Variants in ARMC9 observed in about 807,000 individuals in gnomAD.
The protein encoded by ARMC9 is lisH domain-containing protein ARMC9.
ARMC9 carries 94 observed loss-of-function variants against 107.0 expected under a neutral mutation model. That is an observed-to-expected ratio of 0.88 (90% confidence interval 0.74 to 1.04). ARMC9 has a LOEUF of 1.04. ARMC9 is among the 50% of genes least tolerant of loss of function. The probability of loss-of-function intolerance (pLI) is 0.00; values close to 1 mark genes in which losing one functional copy is unlikely to be tolerated. For missense variants in ARMC9, 942 were observed against 1,030.1 expected (o/e 0.91, Z 1.17); for synonymous variants, 380 against 396.9 (o/e 0.96, Z 0.51).
At chr2:231,314,325 G>T (rs539118974) in intron 19 of ARMC9, among the ~76,000 whole-genome samples, 5 of 151,902 alleles carry the variant, frequency 3.3e-5, no homozygotes, top group African/African-American at 4.8e-5. Context: ...CTGATCCGCC[G>T]CCTTGGCCTC....
At chr2:231,232,036 T>TA (rs1699165791) in intron 7 of ARMC9, among the ~76,000 whole-genome samples, 1 of 150,274 alleles carries the variant, frequency 6.7e-6, no homozygotes, top group Middle Eastern at 3.4e-3. Context: ...TTTTTTTTTT[T>TA]TTTTTTTTGA....
Position 231,360,608 on chromosome 2 carries a change from G to C in ARMC9, c.2132-146G>C. On this transcript the variant is annotated intron_variant, in intron 22 of 24. Transcript: ENST00000611582. The surrounding 1 kb of genome is among the most constrained non-coding windows in gnomAD (Gnocchi z 4.7). ...GTTCCCGGGCTGCACGAGTAAACAA[G>C]TATCCCAAGCCACAGGCGCCAGGGA... 1 of 1,309,622 alleles carries C rather than the reference G, an allele frequency of 7.6e-7. No individual in the cohort carries two copies. The allele number at this position is 1,309,622 out of a possible 1,614,324, so 81.1% of individuals were successfully genotyped here.
intron 9 of ARMC9, chr2:231,256,229 A>G: frequency 6.5e-7 from 1 of 1,537,906 alleles, no homozygotes; most frequent in Non-Finnish European, 8.8e-7. Context: ...CATCATCCGC[A>G]ATGTAAAAGG....
At chr2:231,249,368 C>T (rs1230060029) in intron 9 of ARMC9, among the ~76,000 whole-genome samples, 2 of 152,102 alleles carry the variant, frequency 1.3e-5, no homozygotes, top group South Asian at 2.1e-4. Flanking sequence ...CTGCTGAGTC[C>T]AGTCAGTCTC....
chr2:231,255,075 GTTTA>G lies in ARMC9; in HGVS notation c.880-1507_880-1504del, dbSNP rs562819066. On this transcript the variant is annotated intron_variant, in intron 9 of 24. Transcript: ENST00000611582. This position sits in a 1 kb window ranked among gnomAD's most constrained non-coding sequence, Gnocchi z 4.7. ...TTCTCAAAATATCTTTTTACAGTTG[GTTTA>G]TTTGAGTCAGTTCAAACAAGCACTA... is the stretch of plus-strand genomic sequence containing the variant. 2.7e-3 allele frequency among the ~76,000 whole-genome samples: 418 copies of G among 152,022 alleles called. 2 individuals are homozygous for G. Among genetic ancestry groups the G allele is most frequent in the African/African-American group, 9.4e-3 (389 of 41,464 alleles).
At position 231,214,951 on chromosome 2, in the gene ARMC9, C is replaced by T; in HGVS notation, c.298C>T (p.Leu100Phe). Reference sequence around the variant, plus strand: ...CTTTGCCCAGAAGCTGGAATTCTATCTCCACATCCATTTTGCCATCTATCT... The same window carrying T: ...CTTTGCCCAGAAGCTGGAATTCTATTTCCACATCCATTTTGCCATCTATCT... Reference protein sequence around the residue: ...DSFAQKLEFYLHIHFAIYLLK... With the variant: ...DSFAQKLEFYFHIHFAIYLLK... The change falls in exon 4 of 25, where the codon CTC becomes TTC. Residue 100 changes from leucine (L) to phenylalanine (F), a missense_variant. By Grantham distance (22) the Leu-to-Phe change is conservative. Coordinates refer to ENST00000611582, the MANE Select transcript of ARMC9 (RefSeq NM_001352754.2). The T allele has an allele frequency of 6.2e-7, 1 of 1,614,158 alleles. No individual in the cohort carries two copies. The highest frequency in any genetic ancestry group is 8.5e-7 in the Non-Finnish European group (1 of 1,180,024).
intron 20 of ARMC9, 78 bp from the exon 21 acceptor site, chr2:231,344,897 C>A: frequency 7.5e-7 from 1 of 1,330,378 alleles, no homozygotes; most frequent in Non-Finnish European, 1.1e-6. Flanking sequence ...GTAGTTTATT[C>A]AGTGTATTCT....
chr2:231,300,134 G>A (rs2041633742), intron 19 of ARMC9, among the ~76,000 whole-genome samples: 1 of 152,180 alleles, frequency 6.6e-6, no homozygotes, highest in Non-Finnish European at 1.5e-5. Flanking sequence ...AAGTAGAAAT[G>A]CAAGACCTTC....
chr2:231,316,681 G>GA (rs965279625), intron 19 of ARMC9, among the ~76,000 whole-genome samples: 29 of 148,386 alleles, frequency 2.0e-4, no homozygotes, highest in African/African-American at 6.2e-4. Context: ...AAAAAAGAAA[G>GA]AAAAAAAAAG....
At position 231,374,928 on chromosome 2, in the gene ARMC9, GTCCC is replaced by G. The variant is rs1464965604; in HGVS notation, c.*3398_*3401del. On this transcript the variant is annotated 3_prime_UTR_variant, in exon 25 of 25. Transcript: ENST00000611582. ...GGCCTAGAATCTGGGGGATCCTCCT[GTCCC>G]TCCCACAGTGCCTGATAGCACAGCC... 6.6e-6 allele frequency: 1 copy of G among 152,204 alleles called. No individual in the cohort carries two copies. The highest frequency in any genetic ancestry group is 6.5e-5 in the Admixed American group (1 of 15,282). 9.4% of individuals were successfully genotyped at this position (152,204 alleles called of 1,614,324 possible). A position where few individuals can be genotyped will look rare whatever the true frequency, so the allele number is the denominator to read the frequency against.
At chr2:231,281,729 A>C (rs2040233695) in intron 16 of ARMC9, among the ~76,000 whole-genome samples, 2 of 152,202 alleles carry the variant, frequency 1.3e-5, no homozygotes, top group Non-Finnish European at 2.9e-5. Context: ...ACTGAACAAC[A>C]ACAACAACAA....
In ARMC9 at chr2:231,232,586, G is replaced by A. The variant is rs181069130; in HGVS notation, c.623-2638G>A. Among the ~76,000 whole-genome samples, 8 of 151,870 alleles carry A rather than the reference G, an allele frequency of 5.3e-5. No individual in the cohort carries two copies. The East Asian group carries it at 1.6e-3, about 30-fold the overall frequency. On this transcript the variant is annotated intron_variant, in intron 7 of 24. Transcript: ENST00000611582. ...CCTGTGTCAGCCTCCCAAGTAGCTG[G>A]GATTACAAGCATGCACCACCACACC...
chr2:231,222,837 A>T lies in ARMC9; in HGVS notation c.597+17A>T, dbSNP rs1201220236. On this transcript the variant is annotated intron_variant, in intron 6 of 24. Transcript: ENST00000611582. ...ACAATATATGTATCCTTTTGAAGCA[A>T]ATAGAGACCACCTATGGTTTTAGAG... 6.7e-7 allele frequency: 1 copy of T among 1,493,024 alleles called. No homozygotes were observed. The allele number at this position is 1,493,024 out of a possible 1,614,324, so 92.5% of individuals were successfully genotyped here.
intron 19 of ARMC9, among the ~76,000 whole-genome samples, chr2:231,330,805 G>A (rs965088887): frequency 3.8e-5 from 5 of 132,136 alleles, no homozygotes; most frequent in African/African-American, 2.2e-4. Context: ...AAGGAAGCAG[G>A]CTTTGGGTAA....
chr2:231,292,184 A>G (rs1438372304), intron 18 of ARMC9, among the ~76,000 whole-genome samples: 1 of 151,980 alleles, frequency 6.6e-6, no homozygotes. Context: ...AAAAAAAAAA[A>G]AAGTTCCGCC....
chr2:231,287,287 A>G (rs2040662451), intron 17 of ARMC9, among the ~76,000 whole-genome samples: 1 of 152,094 alleles, frequency 6.6e-6, no homozygotes, highest in African/African-American at 2.4e-5. Context: ...TGTATTCCCC[A>G]CGCACCTGAT....
intron 17 of ARMC9, among the ~76,000 whole-genome samples, chr2:231,290,307 A>G (rs1167173638): frequency 6.6e-6 from 1 of 152,264 alleles, no homozygotes; most frequent in Non-Finnish European, 1.5e-5. Context: ...ATAAGAACTC[A>G]GCATGTTCAA....
At position 231,291,402 on chromosome 2, in the gene ARMC9, T is replaced by C; in HGVS notation, c.1676T>C (p.Met559Thr). 1.2e-6 allele frequency: 2 copies of C among 1,613,866 alleles called. No homozygotes were observed. Among genetic ancestry groups the C allele is most frequent in the South Asian group, 2.2e-5 (2 of 91,086 alleles). Residue 559 changes from methionine to threonine, a missense_variant, in exon 18 of 25, where the codon ATG becomes ACG. Met to Thr is a moderately conservative substitution (Grantham distance 81, BLOSUM62 -1). Coordinates refer to ENST00000611582, the MANE Select transcript of ARMC9 (RefSeq NM_001352754.2). ...RCFIKEGNAE[M>T]IRQIEFIIKQ... The stretch of plus-strand genomic sequence containing the variant: ...TTCATCAAAGAAGGCAATGCTGAAA[T>C]GATCCGCCAGATAGAATTCATCATC...
At chr2:231,285,578 A>G (rs1408813722) in intron 17 of ARMC9, among the ~76,000 whole-genome samples, 3 of 151,824 alleles carry the variant, frequency 2.0e-5, no homozygotes, top group East Asian at 3.9e-4. Context: ...CCCAGGAGAC[A>G]GAGGTTGTAG....
Sources: allele counts gnomAD v4.1 joint callset (sites outside exome capture counted in the v4.1 genomes callset), GRCh38; gene constraint gnomAD v4.1.1; non-coding constraint Gnocchi (gnomAD v3.1); transcripts MANE v1.5; gene names NCBI Gene and HGNC (gene_info 2026-07-23, HGNC 2026-07-21).